Variants in LRRC4C observed in about 807,000 individuals in gnomAD.
The protein encoded by LRRC4C is leucine rich repeat containing 4C.
A neutral mutation model predicts 33.6 loss-of-function variants in LRRC4C; 5 were observed. That is an observed-to-expected ratio of 0.15 (90% CI 0.08 to 0.31). The LOEUF (loss-of-function observed/expected upper bound fraction) is 0.31, where lower values mean the gene tolerates loss of function less well. Ranked by LOEUF, LRRC4C falls within the 10% of genes least tolerant of loss-of-function variation. The probability of loss-of-function intolerance (pLI) is 1.00; values close to 1 mark genes in which losing one functional copy is unlikely to be tolerated. For missense variants in LRRC4C, 560 were observed against 796.7 expected, an observed-to-expected ratio of 0.70 and a Z score of 3.58; for synonymous variants, 329 against 302.0, an observed-to-expected ratio of 1.09 and a Z score of -0.93.
chr11:40,508,570 C>T (rs905763690), intron 3 of LRRC4C, among the ~76,000 whole-genome samples: 1 of 152,140 alleles, frequency 6.6e-6, no homozygotes, highest in South Asian at 2.1e-4. Flanking sequence ...TCATCTTTAT[C>T]CAAAAGGGAT....
intron 1 of LRRC4C, among the ~76,000 whole-genome samples, chr11:41,104,741 A>G (rs1941396577): frequency 6.6e-6 from 1 of 152,008 alleles, no homozygotes; most frequent in Admixed American, 6.6e-5. Flanking sequence ...ACATATGAAA[A>G]TATTATGTAT....
intron 3 of LRRC4C, chr11:40,446,550 G>T (rs1196143267): frequency 6.6e-6 from 1 of 152,150 alleles, no homozygotes; most frequent in African/African-American, 2.4e-5. Flanking sequence ...CATCAACTGG[G>T]TGGATACCTG....
intron 3 of LRRC4C, among the ~76,000 whole-genome samples, chr11:40,529,882 C>T (rs1027162326): frequency 3.3e-5 from 5 of 152,084 alleles, no homozygotes; most frequent in Admixed American, 3.3e-4. Flanking sequence ...TACTATCCTG[C>T]TTTAGTTGCT....
chr11:41,438,792 A>T (rs1955522728), intron 1 of LRRC4C, among the ~76,000 whole-genome samples: 1 of 152,208 alleles, frequency 6.6e-6, no homozygotes, highest in South Asian at 2.1e-4. Context: ...TTCATTTAAT[A>T]TATATTGAAT....
At chr11:40,882,962 T>C (rs1256285724) in intron 2 of LRRC4C, among the ~76,000 whole-genome samples, 1 of 152,030 alleles carries the variant, frequency 6.6e-6, no homozygotes, top group Non-Finnish European at 1.5e-5. Context: ...ATGGGGTTTA[T>C]TATATTAGAG....
intron 2 of LRRC4C, among the ~76,000 whole-genome samples, chr11:40,834,838 A>T (rs185652350): frequency 6.6e-6 from 1 of 151,114 alleles, no homozygotes; most frequent in African/African-American, 2.4e-5. Context: ...ATTTTTGGGT[A>T]GGACTGAGAA....
At chr11:40,537,504 G>C (rs1342156781) in intron 3 of LRRC4C, among the ~76,000 whole-genome samples, 2 of 152,188 alleles carry the variant, frequency 1.3e-5, no homozygotes, top group Admixed American at 1.3e-4. Context: ...GTAGCTGTAA[G>C]AGAGACAGGT....
intron 3 of LRRC4C, among the ~76,000 whole-genome samples, chr11:40,347,249 A>G (rs1688454629): frequency 6.6e-6 from 1 of 152,180 alleles, no homozygotes; most frequent in Admixed American, 6.5e-5. Context: ...TATGTTGTGG[A>G]TTTGGTAGTT....
At chr11:41,325,765 G>A (rs11036356) in intron 1 of LRRC4C, among the ~76,000 whole-genome samples, 3 of 152,042 alleles carry the variant, frequency 2.0e-5, no homozygotes, top group Non-Finnish European at 2.9e-5. Context: ...GATACAAAAC[G>A]CAACTGTATG....
At chr11:40,819,836 A>C (rs1951855764) in intron 2 of LRRC4C, among the ~76,000 whole-genome samples, 1 of 152,078 alleles carries the variant, frequency 6.6e-6, no homozygotes, top group Non-Finnish European at 1.5e-5. Flanking sequence ...GCTAATTATT[A>C]ACGTACTCAA....
At chr11:41,100,615 A>G (rs1373810555) in intron 1 of LRRC4C, among the ~76,000 whole-genome samples, 1 of 151,982 alleles carries the variant, frequency 6.6e-6, no homozygotes, top group Non-Finnish European at 1.5e-5. Flanking sequence ...ATAGCCATAC[A>G]GCCCAAAGCA....
chr11:40,549,133 G>C (rs1447778127), intron 3 of LRRC4C, among the ~76,000 whole-genome samples: 1 of 152,140 alleles, frequency 6.6e-6, no homozygotes, highest in Non-Finnish European at 1.5e-5. Flanking sequence ...CATGTACATT[G>C]AGTGAACATC....
At chr11:41,428,821 T>C (rs188952469) in intron 1 of LRRC4C, among the ~76,000 whole-genome samples, 1 of 152,292 alleles carries the variant, frequency 6.6e-6, no homozygotes, top group Admixed American at 6.5e-5. Context: ...TGTAGTCTAA[T>C]TGAGGAGACA....
At chr11:40,161,816 G>A (rs1311491033) in intron 5 of LRRC4C, among the ~76,000 whole-genome samples, 4 of 152,154 alleles carry the variant, frequency 2.6e-5, no homozygotes, top group African/African-American at 4.8e-5. Flanking sequence ...CTAGGAAAGT[G>A]TATAAATCTG....
intron 2 of LRRC4C, among the ~76,000 whole-genome samples, chr11:40,890,224 T>C (rs989184012): frequency 6.6e-6 from 1 of 152,108 alleles, no homozygotes; most frequent in Non-Finnish European, 1.5e-5. Context: ...AGGTAATATA[T>C]TAAAATAAAA....
chr11:41,242,820 T>C (rs867460446), intron 1 of LRRC4C, among the ~76,000 whole-genome samples: 5 of 152,198 alleles, frequency 3.3e-5, no homozygotes, highest in Admixed American at 2.0e-4. Flanking sequence ...AAATAAGCTA[T>C]ACCTGGTATA....
chr11:40,537,225 A>G (rs974163338), intron 3 of LRRC4C, among the ~76,000 whole-genome samples: 1 of 152,224 alleles, frequency 6.6e-6, no homozygotes, highest in African/African-American at 2.4e-5. Flanking sequence ...AAGAAAAGAG[A>G]GTCTGTGATG....
At chr11:41,294,129 C>G (rs996597592) in intron 1 of LRRC4C, among the ~76,000 whole-genome samples, 1 of 152,154 alleles carries the variant, frequency 6.6e-6, no homozygotes, top group African/African-American at 2.4e-5. Flanking sequence ...CTTCTATAGA[C>G]AGTTTAGAGT....
intron 3 of LRRC4C, among the ~76,000 whole-genome samples, chr11:40,596,124 A>G (rs1428821316): frequency 2.6e-5 from 4 of 152,176 alleles, no homozygotes; most frequent in African/African-American, 4.8e-5. Context: ...ATGAAAAACA[A>G]TGACAGCTGG....
Sources: allele counts gnomAD v4.1 joint callset (sites outside exome capture counted in the v4.1 genomes callset), GRCh38; gene constraint gnomAD v4.1.1; transcripts MANE v1.5; gene names NCBI Gene and HGNC (gene_info 2026-07-23, HGNC 2026-07-21).